The following CHST10 variants were observed in gnomAD, a reference collection of about 807,000 sequenced individuals.
The protein encoded by CHST10 is HNK-1 sulfotransferase.
Under a neutral mutation model 34.7 loss-of-function variants are expected in CHST10, and 24 were observed. The ratio of observed to expected loss-of-function variants is 0.69; its 90% confidence interval spans 0.50 to 0.97. CHST10 has a LOEUF of 0.97. CHST10 is among the 50% of genes least tolerant of loss of function. The probability of loss-of-function intolerance (pLI) is 0.00; values close to 1 mark genes in which losing one functional copy is unlikely to be tolerated. For synonymous variants in CHST10, 161 were observed against 169.3 expected (o/e 0.95, Z 0.38); for missense variants, 402 against 452.1 (o/e 0.89, Z 1.00).
intron 4 of CHST10, among the ~76,000 whole-genome samples, chr2:100,401,456 C>T (rs1301946552): frequency 6.6e-6 from 1 of 152,140 alleles, no homozygotes; most frequent in African/African-American, 2.4e-5. Context: ...ACCAAGATGA[C>T]CACCCTCTTC....
chr2:100,399,007 G>A (rs1361315367), intron 4 of CHST10, among the ~76,000 whole-genome samples: 2 of 152,040 alleles, frequency 1.3e-5, no homozygotes, highest in Non-Finnish European at 2.9e-5. Flanking sequence ...TTCCTGAATA[G>A]CAGGGCAGCC....
At chr2:100,402,497 A>C in intron 4 of CHST10, 67 bp downstream of exon 4, 1 of 1,302,056 alleles carries the variant, frequency 7.7e-7, no homozygotes, top group Non-Finnish European at 1.1e-6. Flanking sequence ...CCACAGGGGA[A>C]GGCCAGCTCC....
At position 100,392,777 on chromosome 2, in the gene CHST10, G is replaced by A. The variant is rs1287475210; in HGVS notation, c.*468C>T. 1 of 169,616 alleles carries A rather than the reference G, an allele frequency of 5.9e-6. No homozygotes were observed. Among genetic ancestry groups the A allele is most frequent in the East Asian group, 1.5e-4 (1 of 6,712 alleles). The allele number at this position is 169,616 out of a possible 1,614,324, so 10.5% of individuals were successfully genotyped here. On this transcript the variant is annotated 3_prime_UTR_variant, in exon 7 of 7. Transcript: ENST00000264249. The stretch of plus-strand genomic sequence containing the variant: ...GATCTGATGCTGCAAAAGTCTCTGC[G>A]ATTTCAGCAGCCCCCTTGCTTCTCT...
chr2:100,395,668 A>G lies in CHST10; in HGVS notation c.428-54T>C, dbSNP rs1470338433. 38 of 1,410,720 alleles carry G rather than the reference A, an allele frequency of 2.7e-5. 1 individual carries two copies. Among genetic ancestry groups the G allele is most frequent in the Admixed American group, 5.1e-5 (3 of 59,382 alleles). 87.4% of individuals were successfully genotyped at this position (1,410,720 alleles called of 1,614,324 possible). On this transcript the variant is annotated intron_variant, in intron 5 of 6. Transcript: ENST00000264249. ...TTGGCTGCTCCAGTACGCCCCTTAG[A>G]GAAGGGCATGTCCTTACCTCATCTT...
intron 2 of CHST10, chr2:100,407,717 A>T (rs546214171): frequency 6.6e-6 from 1 of 152,330 alleles, no homozygotes; most frequent in East Asian, 1.9e-4. Context: ...CTGGAATGCA[A>T]ATAGGATCCA....
chr2:100,399,978 C>T (rs529194708), intron 4 of CHST10, among the ~76,000 whole-genome samples: 4 of 152,292 alleles, frequency 2.6e-5, no homozygotes, highest in Non-Finnish European at 5.9e-5. Flanking sequence ...CTTACAAGAA[C>T]GGGTCTCGTT....
At chr2:100,410,561 A>C (rs1361034742) in intron 2 of CHST10, among the ~76,000 whole-genome samples, 2 of 152,224 alleles carry the variant, frequency 1.3e-5, no homozygotes, top group Non-Finnish European at 2.9e-5. Context: ...TTCAGGAGGC[A>C]GCCTGCCCAA....
At chr2:100,413,676 T>G (rs1049437901) in intron 2 of CHST10, among the ~76,000 whole-genome samples, 1 of 152,236 alleles carries the variant, frequency 6.6e-6, no homozygotes, top group African/African-American at 2.4e-5. Flanking sequence ...AAAAGGAAAC[T>G]TGTAAATTCA....
rs1193056579 is a variant in CHST10, at chr2:100,399,159, A to G, written c.193-1017T>C. The stretch of plus-strand genomic sequence containing the variant: ...CGTTCTGTGGCCCAGGCTGGAGTGC[A>G]GTGGCACGATCTCAGCTCACTGCAA... On this transcript the variant is annotated intron_variant, in intron 4 of 6. Coordinates refer to ENST00000264249, the MANE Select transcript of CHST10 (RefSeq NM_004854.5). Among the ~76,000 whole-genome samples the G allele has an allele frequency of 2.0e-5, 3 of 149,050 alleles. No individual in the cohort carries two copies. In the East Asian group the frequency reaches 6.0e-4, roughly 30 times the overall value.
intron 2 of CHST10, among the ~76,000 whole-genome samples, chr2:100,409,432 A>C (rs1221775346): frequency 6.6e-6 from 1 of 152,162 alleles, no homozygotes; most frequent in Non-Finnish European, 1.5e-5. Flanking sequence ...TCCTGAAGCC[A>C]TATGTGCCTT....
rs1181610369 is a variant in CHST10, at chr2:100,392,351, T to G, written c.*894A>C. ...GCTCCCTGGAGAAGACAGGTGGAGATTCACTGCTGTCCACCCAGGTAAGGC... is the reference window on the plus strand; with the variant it reads ...GCTCCCTGGAGAAGACAGGTGGAGAGTCACTGCTGTCCACCCAGGTAAGGC... On this transcript the variant is annotated 3_prime_UTR_variant, in exon 7 of 7. Transcript: ENST00000264249. The G allele has an allele frequency of 6.6e-6, 1 of 152,244 alleles. No individual in the cohort carries two copies. Among genetic ancestry groups the G allele is most frequent in the African/African-American group, 2.4e-5 (1 of 41,422 alleles). The allele number at this position is 152,244 out of a possible 1,614,324, so 9.4% of individuals were successfully genotyped here. A position where few individuals can be genotyped will look rare whatever the true frequency, so the allele number is the denominator to read the frequency against.
At chr2:100,408,399 C>T (rs772783333) in intron 2 of CHST10, 59 of 152,156 alleles carry the variant, frequency 3.9e-4, no homozygotes, top group Non-Finnish European at 6.6e-4. Flanking sequence ...CCTGCTCACA[C>T]CCATTAGCTC....
rs1481557884 is a variant in CHST10 at position 100,391,953 on chromosome 2, T to C, written c.*1292A>G. 1.3e-5 allele frequency: 2 copies of C among 152,778 alleles called. No homozygotes were observed. The highest frequency in any genetic ancestry group is 2.9e-5 in the Non-Finnish European group (2 of 68,122). 9.5% of individuals were successfully genotyped at this position (152,778 alleles called of 1,614,324 possible). A position where few individuals can be genotyped will look rare whatever the true frequency, so the allele number is the denominator to read the frequency against. ...GTAGAGGCCGCCTTGAAGCGAAGCC[T>C]GGCTCCCTCCTCCACCCCGGGCTCG... is the stretch of plus-strand genomic sequence containing the variant. On this transcript the variant is annotated 3_prime_UTR_variant, in exon 7 of 7. Transcript: ENST00000264249.
In CHST10 at chr2:100,393,254, C is replaced by G; in HGVS notation, c.1062G>C (p.Leu354Phe). ...TCATAGGTCTTATGCATTAGTTTAG[C>G]AAAAAGTCTGGTTTCTGGTACCCAA... Reference protein sequence around the residue: ...KLFGYQKPDFLLN With the variant: ...KLFGYQKPDFFLN The change falls in exon 7 of 7, where the codon TTG (leucine) becomes TTC (phenylalanine). Residue 354 changes from leucine to phenylalanine, a missense_variant. Leu to Phe is a conservative substitution (Grantham distance 22). Transcript: ENST00000264249. 1 of 1,614,000 alleles carries G rather than the reference C, an allele frequency of 6.2e-7. No homozygotes were observed. The highest frequency in any genetic ancestry group is 8.5e-7 in the Non-Finnish European group (1 of 1,179,982).
intron 2 of CHST10, among the ~76,000 whole-genome samples, chr2:100,410,395 T>C (rs1374491016): frequency 6.6e-6 from 1 of 152,248 alleles, no homozygotes; most frequent in Non-Finnish European, 1.5e-5. Context: ...GCTCTCGCTA[T>C]GTGCCATTTG....
chr2:100,393,375 A>G lies in CHST10; in HGVS notation c.941T>C (p.Val314Ala). Residue 314 changes from valine to alanine, a missense_variant, in exon 7 of 7, where the codon GTG becomes GCG. Val to Ala is a moderately conservative substitution (Grantham distance 64). Coordinates refer to ENST00000264249, the MANE Select transcript of CHST10 (RefSeq NM_004854.5). ...SYPTIPPGITVYNRTKVEHYF... is the reference protein window; with the variant it reads ...SYPTIPPGITAYNRTKVEHYF... Reference sequence around the variant, plus strand: ...GTGCTCCACCTTGGTTCTGTTATACACGGTAATGCCCGGAGGGATAGTCGG... The same window carrying G: ...GTGCTCCACCTTGGTTCTGTTATACGCGGTAATGCCCGGAGGGATAGTCGG... 1.2e-6 allele frequency: 2 copies of G among 1,613,978 alleles called. No individual in the cohort carries two copies. The highest frequency in any genetic ancestry group is 4.5e-5 in the East Asian group (2 of 44,894).
At chr2:100,412,961 CA>C (rs1675907548) in intron 2 of CHST10, among the ~76,000 whole-genome samples, 1 of 152,032 alleles carries the variant, frequency 6.6e-6, no homozygotes. Context: ...AGAGGCATTC[CA>C]AATTCACTTC....
chr2:100,393,545 C>A lies in CHST10; in HGVS notation c.771G>T (p.Gly257=), dbSNP rs1042649406. 11 of 1,613,880 alleles carry A rather than the reference C, an allele frequency of 6.8e-6. No homozygotes were observed. Among genetic ancestry groups the A allele is most frequent in the Non-Finnish European group, 9.3e-6 (11 of 1,180,032 alleles). The change falls in exon 7 of 7, where the codon GGG becomes GGT. Residue 257 remains glycine (G), a synonymous_variant. Coordinates refer to ENST00000264249, the MANE Select transcript of CHST10 (RefSeq NM_004854.5). ...ACGTCACCCAGTGAATGATGTGGTCCCCAAACTGAAGGTCTAGCCATCTGT... is the reference window on the plus strand; with the variant it reads ...ACGTCACCCAGTGAATGATGTGGTCACCAAACTGAAGGTCTAGCCATCTGT... The part of the protein sequence containing the change: ...PNHRWLDLQF[G]DHIIHWVTYV...
At chr2:100,402,526 G>A (rs1380267023) in intron 4 of CHST10, 38 bp downstream of exon 4, 1 of 1,576,586 alleles carries the variant, frequency 6.3e-7, no homozygotes, top group East Asian at 2.2e-5. Context: ...AGGGTGCCGT[G>A]TTCAAGAGGA....
Sources: allele counts gnomAD v4.1 joint callset (sites outside exome capture counted in the v4.1 genomes callset), GRCh38; gene constraint gnomAD v4.1.1; transcripts MANE v1.5; gene names NCBI Gene and HGNC (gene_info 2026-07-23, HGNC 2026-07-21).